ADAMTS12: variants seen among roughly 807,000 people sequenced by gnomAD.
ADAMTS12 encodes the protein A disintegrin and metalloproteinase with thrombospondin motifs 12.
Under a neutral mutation model 167.8 loss-of-function variants are expected in ADAMTS12, and 118 were observed. The ratio of observed to expected loss-of-function variants is 0.70; its 90% CI spans 0.61 to 0.82. The LOEUF (loss-of-function observed/expected upper bound fraction) is 0.82. ADAMTS12 is among the 40% of genes least tolerant of loss of function. The pLI, the probability that ADAMTS12 is intolerant of heterozygous loss-of-function variation, is 0.00. For missense variants in ADAMTS12, 1,916 were observed against 1,998.8 expected (o/e 0.96, Z 0.79); for synonymous variants, 704 against 716.9 (o/e 0.98, Z 0.29).
chr5:33,615,797 A>G (rs748017844), intron 15 of ADAMTS12, 31 bp downstream of exon 15: 5 of 1,612,844 alleles, frequency 3.1e-6, no homozygotes, highest in Non-Finnish European at 4.2e-6. Flanking sequence ...ACTAGCACAC[A>G]TGTCAGCAGT....
chr5:33,722,161 C>T (rs1426572724), intron 3 of ADAMTS12, among the ~76,000 whole-genome samples: 2 of 152,178 alleles, frequency 1.3e-5, no homozygotes, highest in Non-Finnish European at 2.9e-5. Context: ...TCAGATCATA[C>T]ATTTTTATAT....
intron 19 of ADAMTS12, among the ~76,000 whole-genome samples, chr5:33,573,921 C>T (rs561406919): frequency 2.0e-5 from 3 of 152,160 alleles, no homozygotes; most frequent in East Asian, 1.9e-4. Context: ...ACAACCCCAT[C>T]GAAAAGTGGG....
chr5:33,705,205 CCTT>C (rs1294403684), intron 3 of ADAMTS12, among the ~76,000 whole-genome samples: 2 of 151,802 alleles, frequency 1.3e-5, no homozygotes, highest in Non-Finnish European at 2.9e-5. Context: ...GTCTCCAACT[CCTT>C]CTAGGTTGCT....
At chr5:33,614,940 C>T (rs538199425) in intron 15 of ADAMTS12, among the ~76,000 whole-genome samples, 36 of 152,258 alleles carry the variant, frequency 2.4e-4, no homozygotes, top group African/African-American at 8.2e-4. Context: ...GATGGCTTTC[C>T]CTACCTCTCA....
At position 33,588,733 on chromosome 5, in the gene ADAMTS12, T is replaced by C. The variant is rs1747486719; in HGVS notation, c.2731A>G (p.Ile911Val). 6.2e-7 allele frequency: 1 copy of C among 1,614,154 alleles called. No homozygotes were observed. Among genetic ancestry groups the C allele is most frequent in the Non-Finnish European group, 8.5e-7 (1 of 1,180,014 alleles). Residue 911 changes from isoleucine to valine, a missense_variant, in exon 18 of 24, where the codon ATC becomes GTC. Transcript: ENST00000504830. ...HGEKKRTVLC[I>V]QTMVSDEQAL... ...TGCTCGTCAGAGACCATGGTCTGGATGCACAGCACGGTTCGCTTCTTCTCC... is the reference window on the plus strand; with the variant it reads ...TGCTCGTCAGAGACCATGGTCTGGACGCACAGCACGGTTCGCTTCTTCTCC...
chr5:33,615,723 G>A, intron 15 of ADAMTS12, 105 bp downstream of exon 15: 6 of 1,463,982 alleles, frequency 4.1e-6, no homozygotes, highest in South Asian at 4.0e-5. Flanking sequence ...GCTAAAAGAG[G>A]TTTTAAAGAT....
chr5:33,864,721 C>T (rs1038976004), intron 2 of ADAMTS12, among the ~76,000 whole-genome samples: 3 of 152,254 alleles, frequency 2.0e-5, no homozygotes, highest in African/African-American at 7.2e-5. Flanking sequence ...CCATCATTCT[C>T]AGCAAACTAA....
At chr5:33,599,438 C>T (rs1738075661) in intron 16 of ADAMTS12, among the ~76,000 whole-genome samples, 1 of 152,146 alleles carries the variant, frequency 6.6e-6, no homozygotes, top group Non-Finnish European at 1.5e-5. Flanking sequence ...ACTGTGCCCC[C>T]TTCTCTTCCC....
chr5:33,583,107 AC>A (rs200609404), intron 18 of ADAMTS12, among the ~76,000 whole-genome samples: 10,372 of 151,244 alleles, frequency 0.069, 448 homozygotes, highest in South Asian at 0.095. Context: ...TTTTTTTTGT[AC>A]CCATTAATCA....
At chr5:33,617,823 C>A (rs142769682) in intron 14 of ADAMTS12, among the ~76,000 whole-genome samples, 115 of 152,012 alleles carry the variant, frequency 7.6e-4, no homozygotes, top group African/African-American at 2.5e-3. Flanking sequence ...ACAGTGTTTG[C>A]TTTTTATTCT....
chr5:33,649,036 A>C (rs1579798326), intron 8 of ADAMTS12, 70 bp from the exon 9 acceptor site: 3 of 1,567,766 alleles, frequency 1.9e-6, no homozygotes, highest in East Asian at 4.5e-5. Flanking sequence ...TTCATTCAAC[A>C]GAAACTTCCC....
intron 2 of ADAMTS12, among the ~76,000 whole-genome samples, chr5:33,757,461 T>C (rs1212534576): frequency 1.3e-5 from 2 of 152,140 alleles, no homozygotes; most frequent in East Asian, 1.9e-4. Flanking sequence ...TCATGCAGAA[T>C]TGGAAGCTGG....
chr5:33,785,480 T>C (rs1342139047), intron 2 of ADAMTS12, among the ~76,000 whole-genome samples: 2 of 152,200 alleles, frequency 1.3e-5, no homozygotes. Context: ...TGTTTGTGTG[T>C]GTGCATGTAT....
At chr5:33,532,473 T>C (rs1340981740) in intron 23 of ADAMTS12, among the ~76,000 whole-genome samples, 1 of 81,230 alleles carries the variant, frequency 1.2e-5, no homozygotes, top group East Asian at 2.2e-4. Flanking sequence ...ACTGTTTCTA[T>C]TTTTTTTTTT....
chr5:33,828,488 T>C (rs3903442), intron 2 of ADAMTS12, among the ~76,000 whole-genome samples: 63,234 of 151,976 alleles, frequency 0.42, 13,552 homozygotes, highest in East Asian at 0.61. Context: ...TATATAATCA[T>C]ATTTCTCAAT....
intron 14 of ADAMTS12, among the ~76,000 whole-genome samples, chr5:33,619,030 T>G (rs1739173672): frequency 6.6e-6 from 1 of 152,326 alleles, no homozygotes; most frequent in African/African-American, 2.4e-5. Flanking sequence ...ATTAGAGACA[T>G]TTTGTTTCTG....
chr5:33,880,178 G>A (rs1750377010), intron 2 of ADAMTS12, among the ~76,000 whole-genome samples: 1 of 152,214 alleles, frequency 6.6e-6, no homozygotes, highest in East Asian at 1.9e-4. Context: ...AACTTGCACA[G>A]TGAATTTATT....
At chr5:33,697,934 C>G in intron 3 of ADAMTS12, among the ~76,000 whole-genome samples, 1 of 152,206 alleles carries the variant, frequency 6.6e-6, no homozygotes, top group Non-Finnish European at 1.5e-5. Flanking sequence ...AATTGCTTTG[C>G]TAAGAATCCA....
chr5:33,734,849 T>G (rs1744315907), intron 3 of ADAMTS12, among the ~76,000 whole-genome samples: 1 of 152,168 alleles, frequency 6.6e-6, no homozygotes, highest in African/African-American at 2.4e-5. Context: ...AGGAGGAGCT[T>G]GTGGGCCACC....
Sources: allele counts gnomAD v4.1 joint callset (sites outside exome capture counted in the v4.1 genomes callset), GRCh38; gene constraint gnomAD v4.1.1; transcripts MANE v1.5; gene names NCBI Gene and HGNC (gene_info 2026-07-23, HGNC 2026-07-21).